Variants in MCM3AP observed in about 807,000 individuals in gnomAD.
MCM3AP encodes germinal-center associated nuclear protein.
Under a neutral mutation model 184.1 loss-of-function variants are expected in MCM3AP, and 126 were observed. The observed-to-expected ratio is 0.68, with a 90% CI of 0.59 to 0.79. The LOEUF (loss-of-function observed/expected upper bound fraction) is 0.79, where lower values mean the gene tolerates loss of function less well. MCM3AP is among the 30% of genes least tolerant of loss of function. The pLI, the probability that MCM3AP is intolerant of heterozygous loss-of-function variation, is 0.00. For missense variants in MCM3AP, 2,496 were observed against 2,479.2 expected (o/e 1.01, Z -0.14); for synonymous variants, 1,002 against 979.3 (o/e 1.02, Z -0.43).
intron 8 of MCM3AP, among the ~76,000 whole-genome samples, chr21:46,271,326 GTTTT>G (rs375433728): frequency 7.6e-5 from 10 of 132,178 alleles, no homozygotes; most frequent in African/African-American, 2.0e-4. Context: ...CCACACCTGG[GTTTT>G]TTTTTTTTTT....
intron 2 of MCM3AP, 104 bp downstream of exon 2, chr21:46,283,511 T>TA (rs2081358789): frequency 1.4e-6 from 1 of 694,194 alleles, no homozygotes. Flanking sequence ...GTACTTTCTC[T>TA]ATATTATAGT....
chr21:46,282,897 G>A (rs2081351008), intron 2 of MCM3AP, among the ~76,000 whole-genome samples: 2 of 152,080 alleles, frequency 1.3e-5, no homozygotes, highest in African/African-American at 2.4e-5. Flanking sequence ...ATCTCTAGAG[G>A]ACAGACTGAC....
chr21:46,247,948 A>C (rs937744256), intron 20 of MCM3AP, among the ~76,000 whole-genome samples: 4 of 152,110 alleles, frequency 2.6e-5, no homozygotes, highest in Non-Finnish European at 5.9e-5. Context: ...CTCTACAAAA[A>C]TAAACAAAAA....
At chr21:46,271,381 G>A (rs1326342070) in intron 8 of MCM3AP, among the ~76,000 whole-genome samples, 3 of 150,802 alleles carry the variant, frequency 2.0e-5, no homozygotes, top group Non-Finnish European at 4.4e-5. Flanking sequence ...CAGACTGGAG[G>A]ACAGTGGCAT....
intron 24 of MCM3AP, 76 bp downstream of exon 24, chr21:46,243,389 A>AT: frequency 6.7e-7 from 1 of 1,496,230 alleles, no homozygotes. Context: ...AACATCAACT[A>AT]AACATCTTCC....
In MCM3AP at chr21:46,285,418, T is replaced by C. The variant is rs924837773; in HGVS notation, c.-132A>G. ...AGCTGAAAGAGAAAAATTCAGATCATCATAGCTATGTTCTGCTACAAGTCT... is the reference window on the plus strand; with the variant it reads ...AGCTGAAAGAGAAAAATTCAGATCACCATAGCTATGTTCTGCTACAAGTCT... On this transcript the variant is annotated 5_prime_UTR_variant, in exon 1 of 28. It removes an upstream start codon present in the reference 5' UTR. Coordinates refer to ENST00000291688, the MANE Select transcript of MCM3AP (RefSeq NM_003906.5). 1.1e-5 allele frequency: 7 copies of C among 655,392 alleles called. No individual in the cohort carries two copies. Among genetic ancestry groups the C allele is most frequent in the Non-Finnish European group, 1.6e-5 (6 of 372,564 alleles). 40.6% of individuals were successfully genotyped at this position (655,392 alleles called of 1,614,324 possible). A position where few individuals can be genotyped will look rare whatever the true frequency, so the allele number is the denominator to read the frequency against.
At chr21:46,279,443 G>A (rs2081298543) in intron 4 of MCM3AP, among the ~76,000 whole-genome samples, 1 of 152,244 alleles carries the variant, frequency 6.6e-6, no homozygotes, top group African/African-American at 2.4e-5. Flanking sequence ...ACAATCCTGT[G>A]AGGCAGGCAG....
Position 46,243,579 on chromosome 21 carries a change from G to T in MCM3AP, c.5182C>A (p.Pro1728Thr), listed in dbSNP as rs766881266. The T allele has an allele frequency of 1.9e-6, 3 of 1,614,238 alleles. No homozygotes were observed. The South Asian group carries it at 3.3e-5, about 18-fold the overall frequency. The change falls in exon 24 of 28, where the codon CCA (proline) becomes ACA (threonine). Residue 1728 changes from proline (P) to threonine (T), a missense_variant. Pro to Thr is a conservative substitution (Grantham distance 38). This residue lies in a region of MCM3AP where 1,323 missense variants were observed against 1,273.4 expected (regional missense o/e 1.04). Coordinates refer to ENST00000291688, the MANE Select transcript of MCM3AP (RefSeq NM_003906.5). ...ACCGAGGGGCCTGCCCCATGGACTG[G>T]GGAGGGACTCTTGCTCTTCCACCTA... is the stretch of plus-strand genomic sequence containing the variant. ...YCRWKSKSPS[P>T]VHGAGPSVME...
intron 18 of MCM3AP, 39 bp downstream of exon 18, chr21:46,254,737 A>T (rs751884245): frequency 1.3e-6 from 2 of 1,586,272 alleles, no homozygotes; most frequent in African/African-American, 2.7e-5. Context: ...GGGAACGGGG[A>T]TCACCAGGGG....
chr21:46,247,057 T>G, intron 20 of MCM3AP, 171 bp from the exon 21 acceptor site: 1 of 593,568 alleles, frequency 1.7e-6, no homozygotes, highest in Non-Finnish European at 2.9e-6. Context: ...TCTTACTTCC[T>G]GTAGTTATTT....
rs187016623 is a variant in MCM3AP at position 46,267,054 on chromosome 21, C to A, written c.2717G>T (p.Arg906Leu). Reference protein sequence around the residue: ...STIFPLDGVVRMLLFRDCEEA... With the variant: ...STIFPLDGVVLMLLFRDCEEA... The stretch of plus-strand genomic sequence containing the variant: ...TTCACAGTCTCTGAACAGCAGCATG[C>A]GCACCACACCATCCAGGGGAAAGAT... The change falls in exon 10 of 28, where the codon CGC becomes CTC. Residue 906 changes from arginine (R) to leucine (L), a missense_variant. Arg to Leu is a moderately radical substitution (Grantham distance 102, BLOSUM62 -2). Around this residue, in one of 5 missense-constraint regions of MCM3AP, gnomAD observed 138 missense variants for 191.9 expected, o/e 0.72. Transcript: ENST00000291688. 4 of 1,614,002 alleles carry A rather than the reference C, an allele frequency of 2.5e-6. No homozygotes were observed. Among genetic ancestry groups the A allele is most frequent in the African/African-American group, 1.3e-5 (1 of 74,936 alleles).
chr21:46,266,787 G>A (rs1463326307), intron 10 of MCM3AP, 195 bp downstream of exon 10: 2 of 599,334 alleles, frequency 3.3e-6, no homozygotes, highest in East Asian at 2.8e-5. Context: ...CTTGGTCTGA[G>A]CCCTCAATGT....
At chr21:46,250,656 G>A (rs1450321763) in intron 20 of MCM3AP, 1 of 152,202 alleles carries the variant, frequency 6.6e-6, no homozygotes, top group East Asian at 1.9e-4. Context: ...ACTAGAGTGA[G>A]CTGGGAAGTA....
chr21:46,271,525 G>T (rs1361337717), intron 8 of MCM3AP, among the ~76,000 whole-genome samples: 1 of 151,618 alleles, frequency 6.6e-6, no homozygotes, highest in Non-Finnish European at 1.5e-5. Context: ...TTTGTGGAAG[G>T]GTCTCACCAT....
At chr21:46,265,609 C>T in intron 11 of MCM3AP, 86 bp from the exon 12 acceptor site, 2 of 1,118,094 alleles carry the variant, frequency 1.8e-6, no homozygotes, top group Non-Finnish European at 2.5e-6. Context: ...AGGGACAGCC[C>T]CAGGCCACCC....
At chr21:46,279,930 T>C in intron 4 of MCM3AP, 63 bp downstream of exon 4, 1 of 1,509,188 alleles carries the variant, frequency 6.6e-7, no homozygotes, top group East Asian at 2.3e-5. Context: ...GACTCAGGTG[T>C]CGCTATAGGG....
rs767925684 is a variant in MCM3AP at position 46,246,671 on chromosome 21, C to T, written c.4506G>A (p.Val1502=). The T allele has an allele frequency of 3.7e-6, 6 of 1,614,088 alleles. No individual in the cohort carries two copies. The highest frequency in any genetic ancestry group is 5.1e-6 in the Non-Finnish European group (6 of 1,179,894). ...CAACGGCGTCCCCTCCTGGGCTAGG[C>T]ACAAGAACCACCAGAGGAAGCGCAG... ...FQPALPLVVL[V]PSPGGDAVEK... Residue 1502 remains valine (V), a synonymous_variant, in exon 21 of 28, where the codon GTG becomes GTA. Transcript: ENST00000291688.
At chr21:46,245,652 G>A (rs1347488775) in intron 22 of MCM3AP, among the ~76,000 whole-genome samples, 5 of 151,612 alleles carry the variant, frequency 3.3e-5, no homozygotes, top group African/African-American at 1.2e-4. Flanking sequence ...TGTTAGCAAA[G>A]ACTCCCCCTG....
intron 18 of MCM3AP, 101 bp downstream of exon 18, chr21:46,254,675 G>T: frequency 7.0e-7 from 1 of 1,420,546 alleles, no homozygotes; most frequent in Admixed American, 1.8e-5. Flanking sequence ...GGAGCTCATC[G>T]AAGAGACCTC....
Sources: gnomAD v4.1 joint callset for allele counts (sites outside exome capture counted in the v4.1 genomes callset) on GRCh38, gnomAD v4.1.1 for gene constraint, gnomAD v4.1.1 regional missense constraint, MANE v1.5 for transcripts, NCBI Gene and HGNC (gene_info 2026-07-23, HGNC 2026-07-21) for gene names.